The following SPON1 variants were observed in gnomAD, a reference collection of about 807,000 sequenced individuals.
The protein encoded by SPON1 is spondin 1, also known as spondin-1.
SPON1 carries 52 observed loss-of-function variants against 111.7 expected under a neutral mutation model. The ratio of observed to expected loss-of-function variants is 0.47; its 90% confidence interval spans 0.37 to 0.59. The LOEUF (loss-of-function observed/expected upper bound fraction) is 0.59. SPON1 is among the 20% of genes least tolerant of loss of function. SPON1 has a pLI of 0.00. For synonymous variants in SPON1, 410 were observed against 395.8 expected (o/e 1.04, Z -0.43); for missense variants, 957 against 1,068.5 (o/e 0.90, Z 1.46).
At chr11:14,197,312 C>T (rs1390541820) in intron 6 of SPON1, among the ~76,000 whole-genome samples, 2 of 152,056 alleles carry the variant, frequency 1.3e-5, no homozygotes, top group African/African-American at 4.8e-5. Context: ...CTGATCTCCC[C>T]CCTTACATTT....
rs1311893181 is a variant in SPON1, at chr11:14,160,481, T to TTA, written c.825+24925_825+24926dup. On this transcript the variant is annotated intron_variant, in intron 6 of 15. Transcript: ENST00000576479. Reference sequence around the variant, plus strand: ...TATATATATATATTTATATATATATTTATATATATATATTTACATATATAT... The same window carrying TTA: ...TATATATATATATTTATATATATATTTATATATATATATATTTACATATATAT... Among the ~76,000 whole-genome samples the TTA allele has an allele frequency of 4.5e-4, 3 of 6,660 alleles. 1 individual carries two copies. The highest frequency in any genetic ancestry group is 7.7e-4 in the Non-Finnish European group (3 of 3,896). 4.4% of individuals were successfully genotyped at this position (6,660 alleles called of 152,430 possible).
At position 14,111,818 on chromosome 11, in the gene SPON1, A is replaced by G. The variant is rs1849228805; in HGVS notation, c.677-23602A>G. 2.0e-5 allele frequency among the ~76,000 whole-genome samples: 3 copies of G among 152,164 alleles called. No homozygotes were observed. In the South Asian group the frequency reaches 6.2e-4, roughly 32 times the overall value. The stretch of plus-strand genomic sequence containing the variant: ...GGGGTCTTATTCTTCATTAGTACTT[A>G]CTTAAGCTATACTGATTAGAGTAAC... On this transcript the variant is annotated intron_variant, in intron 5 of 15. Transcript: ENST00000576479.
chr11:14,158,973 T>C (rs1451588692), intron 6 of SPON1, among the ~76,000 whole-genome samples: 1 of 143,260 alleles, frequency 7.0e-6, no homozygotes, highest in Non-Finnish European at 1.5e-5. Context: ...AAATCTTTCC[T>C]CTTAAGTAAT....
chr11:13,964,629 G>A (rs1461157670), intron 1 of SPON1, among the ~76,000 whole-genome samples: 1 of 152,202 alleles, frequency 6.6e-6, no homozygotes, highest in Non-Finnish European at 1.5e-5. Context: ...GCGCAGCTCC[G>A]CGGGATCCTG....
intron 2 of SPON1, among the ~76,000 whole-genome samples, chr11:14,030,572 A>G (rs11023056): frequency 0.48 from 73,395 of 152,084 alleles, 18,348 homozygotes; most frequent in East Asian, 0.67. Flanking sequence ...GATGAATAAG[A>G]TGGAGGTAAG....
intron 1 of SPON1, among the ~76,000 whole-genome samples, chr11:13,981,643 A>G (rs1159542930): frequency 1.3e-5 from 2 of 152,200 alleles, no homozygotes; most frequent in Non-Finnish European, 2.9e-5. Context: ...ATTTTAACGG[A>G]AAAATCGTTT....
chr11:14,182,830 G>A (rs1198523929), intron 6 of SPON1, among the ~76,000 whole-genome samples: 1 of 152,196 alleles, frequency 6.6e-6, no homozygotes, highest in Non-Finnish European at 1.5e-5. Flanking sequence ...CTGCCATGAA[G>A]GATGTTGTTT....
At chr11:14,178,045 AACAC>A (rs5789825) in intron 6 of SPON1, among the ~76,000 whole-genome samples, 8,185 of 142,674 alleles carry the variant, frequency 0.057, 686 homozygotes, top group African/African-American at 0.19. Flanking sequence ...CACACACACA[AACAC>A]ACACACACAC....
chr11:14,001,551 T>A (rs1848319100), intron 2 of SPON1, among the ~76,000 whole-genome samples: 1 of 152,204 alleles, frequency 6.6e-6, no homozygotes, highest in African/African-American at 2.4e-5. Flanking sequence ...TAAGAAACTT[T>A]TCTGAAGACC....
At chr11:14,182,371 G>A (rs922896228) in intron 6 of SPON1, among the ~76,000 whole-genome samples, 1 of 152,166 alleles carries the variant, frequency 6.6e-6, no homozygotes, top group African/African-American at 2.4e-5. Context: ...CAGAATCAGA[G>A]GCCTAAATTC....
intron 11 of SPON1, among the ~76,000 whole-genome samples, chr11:14,258,911 C>T (rs1469244042): frequency 1.3e-5 from 2 of 152,158 alleles, no homozygotes; most frequent in Admixed American, 6.5e-5. Flanking sequence ...CTTAACCTCC[C>T]CTTCCACAGG....
intron 6 of SPON1, among the ~76,000 whole-genome samples, chr11:14,241,251 G>A (rs1848923221): frequency 6.6e-6 from 1 of 152,130 alleles, no homozygotes; most frequent in Non-Finnish European, 1.5e-5. Flanking sequence ...CACAATGTGT[G>A]TATTATTCTG....
At chr11:14,023,967 A>C (rs1349460079) in intron 2 of SPON1, among the ~76,000 whole-genome samples, 3 of 150,634 alleles carry the variant, frequency 2.0e-5, no homozygotes, top group Non-Finnish European at 4.4e-5. Flanking sequence ...GGGCCACTGC[A>C]CTCCAGCCTC....
chr11:14,198,909 C>G (rs1252140013), intron 6 of SPON1, among the ~76,000 whole-genome samples: 4 of 152,122 alleles, frequency 2.6e-5, no homozygotes, highest in African/African-American at 9.7e-5. Context: ...TAAACTGACT[C>G]GAGTAAGGCA....
chr11:14,202,834 C>A (rs1554935789), intron 6 of SPON1, among the ~76,000 whole-genome samples: 3 of 152,162 alleles, frequency 2.0e-5, no homozygotes, highest in African/African-American at 7.2e-5. Context: ...CTGTGGGCTC[C>A]TATACATCAC....
chr11:14,134,717 T>A, intron 5 of SPON1, among the ~76,000 whole-genome samples: 1 of 152,354 alleles, frequency 6.6e-6, no homozygotes, highest in East Asian at 1.9e-4. Flanking sequence ...CTCTCTCCAA[T>A]GCATTCTTCA....
chr11:14,141,629 C>T (rs978369455), intron 6 of SPON1, among the ~76,000 whole-genome samples: 26 of 152,178 alleles, frequency 1.7e-4, no homozygotes, highest in African/African-American at 6.0e-4. Flanking sequence ...AAGCAATAGA[C>T]AAGCAGATGT....
At chr11:14,240,912 A>C (rs549294986) in intron 6 of SPON1, among the ~76,000 whole-genome samples, 4 of 152,210 alleles carry the variant, frequency 2.6e-5, no homozygotes, top group African/African-American at 9.6e-5. Flanking sequence ...TTAAAAATCA[A>C]AAAAGAGAGC....
At chr11:14,132,859 T>C (rs912097611) in intron 5 of SPON1, among the ~76,000 whole-genome samples, 2 of 152,252 alleles carry the variant, frequency 1.3e-5, no homozygotes, top group Non-Finnish European at 2.9e-5. Context: ...GACTGTCTAT[T>C]GTGTGCCAGT....
Sources: gnomAD v4.1 joint callset for allele counts (sites outside exome capture counted in the v4.1 genomes callset) on GRCh38, gnomAD v4.1.1 for gene constraint, MANE v1.5 for transcripts, NCBI Gene and HGNC (gene_info 2026-07-23, HGNC 2026-07-21) for gene names.